FANCE: variants seen among roughly 807,000 people sequenced by gnomAD.
The protein encoded by FANCE is FA complementation group E.
In FANCE, 42 loss-of-function variants were observed where a neutral mutation model predicts 57.8. The observed-to-expected ratio is 0.73, with a 90% CI of 0.57 to 0.94. The LOEUF (loss-of-function observed/expected upper bound fraction) is 0.94. Among genes scored for constraint, FANCE ranks in the 40% least tolerant of loss-of-function variants. The probability of loss-of-function intolerance (pLI) is 0.00; values close to 1 mark genes in which losing one functional copy is unlikely to be tolerated. For missense variants in FANCE, 608 were observed against 661.8 expected (o/e 0.92, Z 0.89); for synonymous variants, 251 against 286.4 (o/e 0.88, Z 1.25).
In FANCE at chr6:35,452,794, G is replaced by A. The variant is rs1480350743; in HGVS notation, c.248+1G>A. 4 of 1,314,474 alleles carry A rather than the reference G, an allele frequency of 3.0e-6. No individual in the cohort carries two copies. The highest frequency in any genetic ancestry group is 3.9e-6 in the Non-Finnish European group (4 of 1,025,854). 81.4% of individuals were successfully genotyped at this position (1,314,474 alleles called of 1,614,324 possible). A position where few individuals can be genotyped will look rare whatever the true frequency, so the allele number is the denominator to read the frequency against. The stretch of plus-strand genomic sequence containing the variant: ...AGGGGCCTGACGGCCGTCTGGAGCT[G>A]TAAGTCCTCGCCCGCGGCCCCTTAG... On this transcript the variant is annotated splice_donor_variant, in intron 1 of 9. Coordinates refer to ENST00000229769, the MANE Select transcript of FANCE (RefSeq NM_021922.3). LOFTEE classifies it high-confidence loss of function.
At chr6:35,458,014 G>A (rs1224110635) in intron 4 of FANCE, 30 bp downstream of exon 4, 7 of 1,586,462 alleles carry the variant, frequency 4.4e-6, no homozygotes, top group African/African-American at 1.3e-5. Flanking sequence ...TGGCTCTGAG[G>A]TTACATTCTC....
intron 1 of FANCE, among the ~76,000 whole-genome samples, chr6:35,453,298 T>G (rs184117392): frequency 4.5e-4 from 68 of 152,314 alleles, no homozygotes; most frequent in African/African-American, 1.6e-3. Flanking sequence ...TTCTGGCTCT[T>G]GGATGACATT....
chr6:35,459,756 C>A lies in FANCE; in HGVS notation c.1312C>A (p.Leu438Met), dbSNP rs2150897310. 1 of 1,614,014 alleles carries A rather than the reference C, an allele frequency of 6.2e-7. No individual in the cohort carries two copies. The highest frequency in any genetic ancestry group is 8.5e-7 in the Non-Finnish European group (1 of 1,179,878). ...SLEPDAQVLMLGQILELPWKE... is the reference protein window; with the variant it reads ...SLEPDAQVLMMGQILELPWKE... ...GGAGCCAGATGCACAGGTTCTAATG[C>A]TGGGGTGAGTGTGCAGGCCTCCGTG... is the stretch of plus-strand genomic sequence containing the variant. The change falls in exon 7 of 10, where the codon CTG becomes ATG. Residue 438 changes from leucine to methionine, a missense_variant. By Grantham distance (15) the Leu-to-Met change is conservative (BLOSUM62 2). Transcript: ENST00000229769.
At position 35,456,338 on chromosome 6, in the gene FANCE, G is replaced by C. The variant is rs1256733968; in HGVS notation, c.840G>C (p.Leu280Phe). The change falls in exon 2 of 10, where the codon TTG becomes TTC. Residue 280 changes from leucine (L) to phenylalanine (F), a missense_variant. Coordinates refer to ENST00000229769, the MANE Select transcript of FANCE (RefSeq NM_021922.3). The surrounding 1 kb of genome is among the most constrained non-coding windows in gnomAD (Gnocchi z 4.3). Reference sequence around the variant, plus strand: ...AAGGTCTGGCTGAGAGTTTGGAGTTGCCCAAAGCTATCCAGGTACTTTGGT... The same window carrying C: ...AAGGTCTGGCTGAGAGTTTGGAGTTCCCCAAAGCTATCCAGGTACTTTGGT... Reference protein sequence around the residue: ...DAKGLAESLELPKAIQDQLPR... With the variant: ...DAKGLAESLEFPKAIQDQLPR... 1.2e-6 allele frequency: 2 copies of C among 1,614,152 alleles called. No homozygotes were observed. The highest frequency in any genetic ancestry group is 1.7e-6 in the Non-Finnish European group (2 of 1,180,012).
chr6:35,455,725 T>C (rs201566560), intron 1 of FANCE, 22 bp from the exon 2 acceptor site: 1 of 1,613,074 alleles, frequency 6.2e-7, no homozygotes, highest in Non-Finnish European at 8.5e-7. Context: ...ACTTAACTGC[T>C]TGCTCTCCCT....
chr6:35,453,290 C>T (rs929890509), intron 1 of FANCE, among the ~76,000 whole-genome samples: 5 of 152,124 alleles, frequency 3.3e-5, no homozygotes, highest in Admixed American at 1.3e-4. Context: ...TTGATAATTT[C>T]TGGCTCTTGG....
At position 35,457,931 on chromosome 6, in the gene FANCE, G is replaced by A. The variant is rs148121245; in HGVS notation, c.916G>A (p.Glu306Lys). The A allele has an allele frequency of 3.7e-6, 6 of 1,614,050 alleles. No individual in the cohort carries two copies. The highest frequency in any genetic ancestry group is 5.1e-6 in the Non-Finnish European group (6 of 1,180,020). Residue 306 changes from glutamate (E) to lysine (K), a missense_variant, in exon 4 of 10, where the codon GAG becomes AAG. Physicochemically the swap from Glu to Lys is moderately conservative, Grantham distance 56 (BLOSUM62 1). Coordinates refer to ENST00000229769, the MANE Select transcript of FANCE (RefSeq NM_021922.3). ...KTLEEGLEGL[E>K]DAPPVELQLL... ...GTCTCCCCAGGGGTTAGAGGGATTG[G>A]AGGATGCCCCCCCAGTTGAGCTACA...
Position 35,452,442 on chromosome 6 carries a change from G to C in FANCE, c.-104G>C. On this transcript the variant is annotated 5_prime_UTR_variant, in exon 1 of 10. Coordinates refer to ENST00000229769, the MANE Select transcript of FANCE (RefSeq NM_021922.3). ...TTGTAACAGGCGCTGGAGCTGGCCC[G>C]CCACCGCCGCGTCAGGGACGGCGCT... 8.8e-7 allele frequency: 1 copy of C among 1,131,512 alleles called. No individual in the cohort carries two copies. The highest frequency in any genetic ancestry group is 1.1e-6 in the Non-Finnish European group (1 of 905,756). The allele number at this position is 1,131,512 out of a possible 1,614,324, so 70.1% of individuals were successfully genotyped here. A position where few individuals can be genotyped will look rare whatever the true frequency, so the allele number is the denominator to read the frequency against.
intron 7 of FANCE, 123 bp from the exon 8 acceptor site, chr6:35,460,429 T>G: frequency 1.8e-5 from 17 of 937,330 alleles, no homozygotes; most frequent in Non-Finnish European, 2.6e-5. Flanking sequence ...GACTACCCCT[T>G]TGTTGGCTGG....
chr6:35,464,728 C>CTTTTT (rs59541412), intron 9 of FANCE, among the ~76,000 whole-genome samples: 18 of 107,792 alleles, frequency 1.7e-4, no homozygotes, highest in South Asian at 3.0e-4. Context: ...GAGAGATATT[C>CTTTTT]TTTTTTTTTT....
At position 35,458,308 on chromosome 6, in the gene FANCE, G is replaced by A. The variant is rs772385794; in HGVS notation, c.981G>A (p.Leu327=). 2.7e-5 allele frequency: 44 copies of A among 1,613,848 alleles called. No individual in the cohort carries two copies. The highest frequency in any genetic ancestry group is 3.7e-5 in the Non-Finnish European group (44 of 1,180,046). ...CACTCTGTAAGCAGATGGACTTGCTGTGTGCCCAGCTGCAGCTCCCTCAGC... is the reference window on the plus strand; with the variant it reads ...CACTCTGTAAGCAGATGGACTTGCTATGTGCCCAGCTGCAGCTCCCTCAGC... ...HECSPSQMDL[L]CAQLQLPQLS... The change falls in exon 5 of 10, where the codon CTG becomes CTA. Residue 327 remains leucine, a synonymous_variant. Coordinates refer to ENST00000229769, the MANE Select transcript of FANCE (RefSeq NM_021922.3).
In FANCE at chr6:35,462,777, C is replaced by A; in HGVS notation, c.1384-12C>A. On this transcript the variant is annotated splice_polypyrimidine_tract_variant and intron_variant, in intron 8 of 9. Transcript: ENST00000229769. ...TTCTTGTGATTACTGCTCCATCTCC[C>A]AATGTGTGCAGGTGGAGATGACCCC... is the stretch of plus-strand genomic sequence containing the variant. 6.2e-7 allele frequency: 1 copy of A among 1,614,056 alleles called. No individual in the cohort carries two copies. The highest frequency in any genetic ancestry group is 8.5e-7 in the Non-Finnish European group (1 of 1,179,940).
At chr6:35,455,713 A>T in intron 1 of FANCE, 34 bp from the exon 2 acceptor site, 1 of 1,611,950 alleles carries the variant, frequency 6.2e-7, no homozygotes, top group Non-Finnish European at 8.5e-7. Context: ...CTTCAGCCAA[A>T]CACTTAACTG....
rs1046413871 is a variant in FANCE, at chr6:35,460,592, G to T, written c.1357G>T (p.Val453Leu). ...GCCCTGGAAGGAGGAAACTTTCTTGGTGTTGCAGTCACTCCTAGAGCGGCA... is the reference window on the plus strand; with the variant it reads ...GCCCTGGAAGGAGGAAACTTTCTTGTTGTTGCAGTCACTCCTAGAGCGGCA... Reference protein sequence around the residue: ...ELPWKEETFLVLQSLLERQVE... With the variant: ...ELPWKEETFLLLQSLLERQVE... Residue 453 changes from valine to leucine, a missense_variant, in exon 8 of 10, where the codon GTG becomes TTG. By Grantham distance (32) the Val-to-Leu change is conservative (BLOSUM62 1). Transcript: ENST00000229769. The T allele has an allele frequency of 7.4e-6, 12 of 1,614,132 alleles. No homozygotes were observed. The highest frequency in any genetic ancestry group is 1.0e-5 in the Non-Finnish European group (12 of 1,180,010).
chr6:35,462,511 C>G (rs1767633152), intron 8 of FANCE, among the ~76,000 whole-genome samples: 1 of 152,118 alleles, frequency 6.6e-6, no homozygotes, highest in Non-Finnish European at 1.5e-5. Flanking sequence ...TCCTTGGCTT[C>G]CCCTTGGTCC....
rs2150894807 is a variant in FANCE, at chr6:35,458,362, C to T, written c.1035C>T (p.Cys345=). 1 of 1,614,200 alleles carries T rather than the reference C, an allele frequency of 6.2e-7. No homozygotes were observed. The highest frequency in any genetic ancestry group is 8.5e-7 in the Non-Finnish European group (1 of 1,180,034). ...CAGACCTCGGTCTCCTGCGGCTCTG[C>T]ACCTGGCTGCTGGCCCTTTCACCTG... ...QLSDLGLLRL[C]TWLLALSPDL... is the part of the protein sequence containing the mutation. Residue 345 remains cysteine (C), a synonymous_variant, in exon 5 of 10, where the codon TGC becomes TGT. Coordinates refer to ENST00000229769, the MANE Select transcript of FANCE (RefSeq NM_021922.3).
rs563277010 is a variant in FANCE at position 35,463,651 on chromosome 6, C to T, written c.1509+737C>T. Among the ~76,000 whole-genome samples, 10 of 147,614 alleles carry T rather than the reference C, an allele frequency of 6.8e-5. No individual in the cohort carries two copies. In the East Asian group the frequency reaches 7.8e-4, roughly 12 times the overall value. Reference sequence around the variant, plus strand: ...CTTTGTTTGTGGTTGGGAATTGGGACGGGCTTCCTGACTTTTTTTTTTTTT... The same window carrying T: ...CTTTGTTTGTGGTTGGGAATTGGGATGGGCTTCCTGACTTTTTTTTTTTTT... On this transcript the variant is annotated intron_variant, in intron 9 of 9. Coordinates refer to ENST00000229769, the MANE Select transcript of FANCE (RefSeq NM_021922.3).
Position 35,466,234 on chromosome 6 carries a change from T to G in FANCE, c.1510-10T>G. ...GCTGGAGTCCTGACATGATTTTTCC[T>G]TCTCCCCAGATCACTGAGACCCAGA... On this transcript the variant is annotated splice_polypyrimidine_tract_variant and intron_variant, in intron 9 of 9. Coordinates refer to ENST00000229769, the MANE Select transcript of FANCE (RefSeq NM_021922.3). The G allele has an allele frequency of 6.3e-7, 1 of 1,583,628 alleles. No homozygotes were observed. The highest frequency in any genetic ancestry group is 2.2e-5 in the East Asian group (1 of 44,754).
chr6:35,460,450 T>A, intron 7 of FANCE, 102 bp from the exon 8 acceptor site: 2 of 1,172,994 alleles, frequency 1.7e-6, no homozygotes, highest in Non-Finnish European at 2.6e-6. Flanking sequence ...GGATCTTGGC[T>A]GTCCCCAGGG....
Sources: gnomAD v4.1 joint callset for allele counts (sites outside exome capture counted in the v4.1 genomes callset) on GRCh38, gnomAD v4.1.1 for gene constraint, Gnocchi (gnomAD v3.1) non-coding constraint, MANE v1.5 for transcripts, NCBI Gene and HGNC (gene_info 2026-07-23, HGNC 2026-07-21) for gene names.